Variants in AGTPBP1 observed in about 807,000 individuals in gnomAD.
AGTPBP1 encodes cytosolic carboxypeptidase 1.
In AGTPBP1, 70 loss-of-function variants were observed where a neutral mutation model predicts 143.9. The ratio of observed to expected loss-of-function variants is 0.49; its 90% CI spans 0.40 to 0.59. AGTPBP1 has a LOEUF of 0.59. AGTPBP1 is among the 20% of genes least tolerant of loss of function. The probability of loss-of-function intolerance (pLI) is 0.00; values close to 1 mark genes in which losing one functional copy is unlikely to be tolerated. For missense variants in AGTPBP1, 1,229 were observed against 1,464.5 expected, an observed-to-expected ratio of 0.84 and a Z score of 2.62; for synonymous variants, 463 against 500.2, an observed-to-expected ratio of 0.93 and a Z score of 0.99.
intron 2 of AGTPBP1, among the ~76,000 whole-genome samples, chr9:85,699,752 A>G (rs1400034651): frequency 6.6e-6 from 1 of 152,214 alleles, no homozygotes; most frequent in Non-Finnish European, 1.5e-5. Context: ...TCTGGCTTTA[A>G]TCACATTTTT....
intron 23 of AGTPBP1, among the ~76,000 whole-genome samples, chr9:85,582,323 C>T (rs150679005): frequency 7.6e-4 from 115 of 152,256 alleles, no homozygotes; most frequent in African/African-American, 2.7e-3. Context: ...AACAGTTCCT[C>T]AGTCTTATAA....
At chr9:85,676,385 GC>G (rs1203882667) in intron 6 of AGTPBP1, among the ~76,000 whole-genome samples, 3 of 151,986 alleles carry the variant, frequency 2.0e-5, no homozygotes, top group African/African-American at 7.2e-5. Context: ...TTTTAAATGG[GC>G]AAAAGATCTG....
intron 20 of AGTPBP1, among the ~76,000 whole-genome samples, chr9:85,589,301 G>T (rs1032691282): frequency 1.2e-4 from 18 of 152,164 alleles, no homozygotes; most frequent in African/African-American, 4.3e-4. Flanking sequence ...AACGACAGTG[G>T]TAGCAAAAGA....
the AGTPBP1 span, among the ~76,000 whole-genome samples, chr9:85,756,710 A>C: frequency 8.5e-5 from 13 of 152,342 alleles, no homozygotes; most frequent in East Asian, 2.5e-3. Context: ...ATGATCATCA[A>C]GTGATGAATG....
chr9:85,711,716 A>T (rs2134478827), intron 2 of AGTPBP1, among the ~76,000 whole-genome samples: 1 of 152,244 alleles, frequency 6.6e-6, no homozygotes, highest in East Asian at 1.9e-4. Context: ...CTGAGATTAC[A>T]GGCGTAAGCC....
intron 14 of AGTPBP1, among the ~76,000 whole-genome samples, chr9:85,621,665 C>A: frequency 6.6e-6 from 1 of 152,032 alleles, no homozygotes; most frequent in Admixed American, 6.6e-5. Context: ...ATGTGAAAAG[C>A]CAGAGATTAT....
At chr9:85,782,930 G>C in the AGTPBP1 span, among the ~76,000 whole-genome samples, 1 of 152,062 alleles carries the variant, frequency 6.6e-6, no homozygotes, top group Non-Finnish European at 1.5e-5. Flanking sequence ...AAGTAAACAA[G>C]TATCAAGTAA....
the AGTPBP1 span, among the ~76,000 whole-genome samples, chr9:85,757,896 A>C: frequency 6.6e-6 from 1 of 152,232 alleles, no homozygotes; most frequent in Non-Finnish European, 1.5e-5. Flanking sequence ...GGTTGTGATA[A>C]GTCAAAAAAA....
chr9:85,692,300 G>C (rs1372055075), intron 3 of AGTPBP1, among the ~76,000 whole-genome samples: 1 of 149,688 alleles, frequency 6.7e-6, no homozygotes, highest in African/African-American at 2.5e-5. Context: ...TTATGAGACG[G>C]AGTCTTGCTG....
chr9:85,642,778 T>C, intron 13 of AGTPBP1, 49 bp downstream of exon 13: 7 of 1,422,774 alleles, frequency 4.9e-6, no homozygotes, highest in Non-Finnish European at 6.8e-6. Flanking sequence ...GGAAAAAAAA[T>C]AACTTTTTAT....
At chr9:85,775,534 T>C in the AGTPBP1 span, among the ~76,000 whole-genome samples, 1 of 147,368 alleles carries the variant, frequency 6.8e-6, no homozygotes, top group African/African-American at 2.5e-5. Flanking sequence ...GATATATATA[T>C]AGATATATAA....
chr9:85,709,904 G>A (rs1401288399), intron 2 of AGTPBP1, among the ~76,000 whole-genome samples: 2 of 151,932 alleles, frequency 1.3e-5, no homozygotes, highest in African/African-American at 2.4e-5. Context: ...TACTGCCATG[G>A]GTCTTTAAAT....
chr9:85,753,164 T>C, the AGTPBP1 span: 1 of 1,013,528 alleles, frequency 9.9e-7, no homozygotes, highest in South Asian at 1.8e-5. Context: ...AGTTTGAGGC[T>C]GTGATTGTGC....
At chr9:85,625,157 C>A (rs1831192878) in intron 14 of AGTPBP1, among the ~76,000 whole-genome samples, 1 of 152,196 alleles carries the variant, frequency 6.6e-6, no homozygotes. Flanking sequence ...ATAAACATAT[C>A]TCACAAATTC....
rs185245682 is a variant in AGTPBP1 at position 85,684,554 on chromosome 9, G to A, written c.158-3219C>T. Among the ~76,000 whole-genome samples the A allele has an allele frequency of 7.9e-4, 119 of 150,744 alleles. 1 individual carries two copies. Among genetic ancestry groups the A allele is most frequent in the Middle Eastern group, 6.9e-3 (2 of 290 alleles). On this transcript the variant is annotated intron_variant, in intron 3 of 25. Coordinates refer to ENST00000357081, the MANE Select transcript of AGTPBP1 (RefSeq NM_001330701.2). ...CCTCTATTTCCCTCTTTTCTTTCTC[G>A]GTGAAGCTCCTCAAACAAGTACTCT... is the stretch of plus-strand genomic sequence containing the variant.
rs554148612 is a variant in AGTPBP1 at position 85,741,758 on chromosome 9, T to G, written c.-34+17A>C. ...GGACGGCCGGCCGGGACATGAGGACTGCAGCAGGGCGCTCACCGGCTCAGG... is the reference window on the plus strand; with the variant it reads ...GGACGGCCGGCCGGGACATGAGGACGGCAGCAGGGCGCTCACCGGCTCAGG... On this transcript the variant is annotated intron_variant, in intron 1 of 25. Coordinates refer to ENST00000357081, the MANE Select transcript of AGTPBP1 (RefSeq NM_001330701.2). 2 of 1,318,992 alleles carry G rather than the reference T, an allele frequency of 1.5e-6. No individual in the cohort carries two copies. The highest frequency in any genetic ancestry group is 3.1e-5 in the African/African-American group (2 of 64,800). 81.7% of individuals were successfully genotyped at this position (1,318,992 alleles called of 1,614,324 possible).
chr9:85,674,106 G>A (rs1425458010), intron 6 of AGTPBP1, among the ~76,000 whole-genome samples: 3 of 134,094 alleles, frequency 2.2e-5, no homozygotes, highest in Non-Finnish European at 4.6e-5. Flanking sequence ...CTGGGCAACT[G>A]AGCAAGACTC....
At chr9:85,648,587 C>T (rs981623134) in intron 11 of AGTPBP1, among the ~76,000 whole-genome samples, 2 of 152,118 alleles carry the variant, frequency 1.3e-5, no homozygotes, top group Non-Finnish European at 2.9e-5. Flanking sequence ...CCGAGACGGG[C>T]GGATCACGAG....
the AGTPBP1 span, among the ~76,000 whole-genome samples, chr9:85,767,769 C>T: frequency 2.6e-5 from 4 of 152,184 alleles, no homozygotes; most frequent in African/African-American, 7.2e-5. Context: ...GGCCTTGAGC[C>T]ACCGCACCCT....
Sources: gnomAD v4.1 joint callset for allele counts (sites outside exome capture counted in the v4.1 genomes callset) on GRCh38, gnomAD v4.1.1 for gene constraint, MANE v1.5 for transcripts, NCBI Gene and HGNC (gene_info 2026-07-23, HGNC 2026-07-21) for gene names.